CNTN5: variants seen among roughly 807,000 people sequenced by gnomAD.
The protein encoded by CNTN5 is contactin-5.
Under a neutral mutation model 129.1 loss-of-function variants are expected in CNTN5, and 77 were observed. The observed-to-expected ratio is 0.60, with a 90% CI of 0.50 to 0.72. The LOEUF is 0.72. Ranked by LOEUF, CNTN5 falls within the 30% of genes least tolerant of loss-of-function variation. The probability of loss-of-function intolerance (pLI) is 0.00; values close to 1 mark genes in which losing one functional copy is unlikely to be tolerated. For missense variants in CNTN5, 1,478 were observed against 1,328.8 expected (o/e 1.11, Z -1.75); for synonymous variants, 509 against 465.6 (o/e 1.09, Z -1.20).
intron 2 of CNTN5, among the ~76,000 whole-genome samples, chr11:99,465,439 T>A (rs1278781805): frequency 6.6e-6 from 1 of 152,078 alleles, no homozygotes; most frequent in Non-Finnish European, 1.5e-5. Context: ...TGTTTACATA[T>A]TAAGTAAAAA....
rs115044076 is a variant in CNTN5 at position 99,989,050 on chromosome 11, T to C, written c.878-12984T>C. 2.5e-3 allele frequency among the ~76,000 whole-genome samples: 374 copies of C among 152,328 alleles called. 2 individuals carry two copies. The highest frequency in any genetic ancestry group is 8.5e-3 in the African/African-American group (352 of 41,572). The stretch of plus-strand genomic sequence containing the variant: ...CATTGAGTAAAGTCCACCATATCTG[T>C]GAGACATATTTCTTTGTTTTATCAT... On this transcript the variant is annotated intron_variant, in intron 8 of 24. Transcript: ENST00000524871.
At chr11:99,818,445 T>G (rs1341828500) in intron 3 of CNTN5, among the ~76,000 whole-genome samples, 1 of 152,026 alleles carries the variant, frequency 6.6e-6, no homozygotes, top group Non-Finnish European at 1.5e-5. Flanking sequence ...TTTGTGTAGA[T>G]GGGGTCTCAC....
intron 4 of CNTN5, among the ~76,000 whole-genome samples, chr11:99,840,669 A>G (rs1358584641): frequency 1.3e-5 from 2 of 152,154 alleles, no homozygotes; most frequent in Admixed American, 6.6e-5. Flanking sequence ...CTTTTATGAG[A>G]CGTTAACATT....
intron 1 of CNTN5, among the ~76,000 whole-genome samples, chr11:99,053,348 T>G (rs1024118070): frequency 1.3e-5 from 2 of 151,986 alleles, no homozygotes; most frequent in Non-Finnish European, 2.9e-5. Context: ...TAAACAGTCA[T>G]GCCAAATGTA....
intron 3 of CNTN5, among the ~76,000 whole-genome samples, chr11:99,625,583 A>T (rs1407333480): frequency 1.3e-5 from 2 of 152,284 alleles, no homozygotes; most frequent in South Asian, 4.1e-4. Context: ...ATACATTAAG[A>T]TATGTACATA....
intron 6 of CNTN5, among the ~76,000 whole-genome samples, chr11:99,870,453 AT>A: frequency 6.6e-6 from 1 of 152,292 alleles, no homozygotes; most frequent in East Asian, 1.9e-4. Flanking sequence ...TATAAATGTC[AT>A]TTTTATGTCA....
intron 8 of CNTN5, among the ~76,000 whole-genome samples, chr11:99,977,470 G>T (rs763317649): frequency 1.3e-5 from 2 of 152,138 alleles, no homozygotes; most frequent in African/African-American, 4.8e-5. Context: ...CCTGAGACTT[G>T]GTAATTTATA....
At chr11:100,072,405 T>G (rs1356390004) in intron 12 of CNTN5, among the ~76,000 whole-genome samples, 1 of 152,202 alleles carries the variant, frequency 6.6e-6, no homozygotes, top group Non-Finnish European at 1.5e-5. Flanking sequence ...GGCACTGCAT[T>G]TCTTCACTAT....
At chr11:99,899,408 A>C (rs770712705) in intron 6 of CNTN5, among the ~76,000 whole-genome samples, 3 of 151,886 alleles carry the variant, frequency 2.0e-5, no homozygotes, top group Non-Finnish European at 4.4e-5. Flanking sequence ...CATCTATGCT[A>C]GTTTGTTGAG....
chr11:99,348,413 A>G (rs1938058761), intron 2 of CNTN5, among the ~76,000 whole-genome samples: 1 of 152,196 alleles, frequency 6.6e-6, no homozygotes, highest in Admixed American at 6.5e-5. Context: ...GGCCTAGAAC[A>G]TATTGATAAC....
chr11:100,300,366 G>A (rs1011370614), intron 20 of CNTN5, among the ~76,000 whole-genome samples: 1 of 151,342 alleles, frequency 6.6e-6, no homozygotes, highest in African/African-American at 2.4e-5. Context: ...GGAAAAAAAT[G>A]AGAAAAGGAA....
chr11:99,784,082 G>T (rs1945419796), intron 3 of CNTN5, among the ~76,000 whole-genome samples: 1 of 152,012 alleles, frequency 6.6e-6, no homozygotes, highest in Admixed American at 6.6e-5. Flanking sequence ...ATAGTATTTT[G>T]CAGATGATTT....
chr11:99,883,651 C>T (rs1948827384), intron 6 of CNTN5, among the ~76,000 whole-genome samples: 1 of 152,158 alleles, frequency 6.6e-6, no homozygotes, highest in Non-Finnish European at 1.5e-5. Flanking sequence ...ACTCAGGATA[C>T]TCCTGGCCTG....
chr11:99,144,905 A>G (rs1048332506), intron 1 of CNTN5, among the ~76,000 whole-genome samples: 1 of 151,566 alleles, frequency 6.6e-6, no homozygotes, highest in Non-Finnish European at 1.5e-5. Context: ...GGCATTTTAT[A>G]TATTTTATTT....
chr11:99,120,644 C>T (rs928015650), intron 1 of CNTN5, among the ~76,000 whole-genome samples: 4 of 152,048 alleles, frequency 2.6e-5, no homozygotes, highest in Non-Finnish European at 5.9e-5. Context: ...TATCTATGTC[C>T]CGTTATCTCT....
At chr11:99,945,827 G>A (rs1488774506) in intron 7 of CNTN5, among the ~76,000 whole-genome samples, 2 of 151,954 alleles carry the variant, frequency 1.3e-5, no homozygotes, top group South Asian at 2.1e-4. Context: ...TTCCCCAGAG[G>A]TCTCAGCTGG....
At chr11:99,088,569 G>A (rs138699636) in intron 1 of CNTN5, among the ~76,000 whole-genome samples, 141 of 152,246 alleles carry the variant, frequency 9.3e-4, no homozygotes, top group African/African-American at 3.3e-3. Context: ...CTAATGAAAC[G>A]TAGAAGGTGT....
intron 2 of CNTN5, among the ~76,000 whole-genome samples, chr11:99,458,853 G>A (rs1944587087): frequency 1.3e-5 from 2 of 151,988 alleles, no homozygotes; most frequent in Admixed American, 6.6e-5. Flanking sequence ...TTGCCTTGGA[G>A]GTCTAGTAGA....
intron 6 of CNTN5, among the ~76,000 whole-genome samples, chr11:99,908,567 T>C (rs1223167563): frequency 6.6e-6 from 1 of 152,054 alleles, no homozygotes; most frequent in East Asian, 1.9e-4. Context: ...TAATTGTTTA[T>C]GTAGATGTTA....
Sources: allele counts gnomAD v4.1 joint callset (sites outside exome capture counted in the v4.1 genomes callset), GRCh38; gene constraint gnomAD v4.1.1; transcripts MANE v1.5; gene names NCBI Gene and HGNC (gene_info 2026-07-23, HGNC 2026-07-21).